RHOU: variants seen among roughly 807,000 people sequenced by gnomAD.
The protein encoded by RHOU is ras homolog family member U.
In RHOU, 8 loss-of-function variants were observed where a neutral mutation model predicts 12.6. That is an observed-to-expected ratio of 0.64 (90% CI 0.37 to 1.15). The LOEUF is 1.15. Ranked by LOEUF, RHOU falls within the 50% of genes most tolerant of loss-of-function variation. RHOU has a pLI of 0.01. For missense variants in RHOU, 258 were observed against 347.0 expected (o/e 0.74, Z 2.04); for synonymous variants, 161 against 147.4 (o/e 1.09, Z -0.67).
chr1:228,723,309 G>A, the RHOU span, among the ~76,000 whole-genome samples: 24 of 152,244 alleles, frequency 1.6e-4, no homozygotes, highest in Non-Finnish European at 3.2e-4. Flanking sequence ...GCCAGGAGAG[G>A]AGACCCCAAG....
chr1:228,721,173 G>A, the RHOU span, among the ~76,000 whole-genome samples: 4 of 152,156 alleles, frequency 2.6e-5, no homozygotes, highest in Admixed American at 6.5e-5. Context: ...GTGGTGGCAG[G>A]TGCCTGTAAT....
chr1:228,663,872 A>T, the RHOU span, among the ~76,000 whole-genome samples: 1 of 150,402 alleles, frequency 6.6e-6, no homozygotes, highest in Non-Finnish European at 1.5e-5. Flanking sequence ...ACCTCAAGTG[A>T]TCCACCCGCC....
At chr1:228,663,586 AT>A in the RHOU span, among the ~76,000 whole-genome samples, 1 of 103,036 alleles carries the variant, frequency 9.7e-6, no homozygotes, top group East Asian at 2.9e-4. Context: ...CTTTATTTTT[AT>A]TTTTCTTTTC....
the RHOU span, among the ~76,000 whole-genome samples, chr1:228,717,658 T>C: frequency 2.6e-5 from 4 of 152,222 alleles, no homozygotes; most frequent in African/African-American, 9.7e-5. Context: ...CTCTCTGACA[T>C]CTTGATGTAG....
At chr1:228,692,959 A>G in the RHOU span, among the ~76,000 whole-genome samples, 1 of 152,198 alleles carries the variant, frequency 6.6e-6, no homozygotes, top group South Asian at 2.1e-4. Context: ...AGATTTATAT[A>G]TTGCTTTGCA....
chr1:228,665,223 A>G, the RHOU span, among the ~76,000 whole-genome samples: 1 of 152,218 alleles, frequency 6.6e-6, no homozygotes, highest in African/African-American at 2.4e-5. Context: ...TAAGCACTTC[A>G]CATGCTTTAA....
the RHOU span, among the ~76,000 whole-genome samples, chr1:228,696,575 C>T: frequency 6.6e-6 from 1 of 151,696 alleles, no homozygotes; most frequent in Admixed American, 6.6e-5. Context: ...GAGACAGAGT[C>T]TTGCTCTGTC....
chr1:228,741,583 A>G (rs1308735447), intron 2 of RHOU, among the ~76,000 whole-genome samples: 1 of 152,092 alleles, frequency 6.6e-6, no homozygotes, highest in Non-Finnish European at 1.5e-5. Context: ...AAAGATCTTC[A>G]TGACTGAGCC....
chr1:228,685,110 C>T, the RHOU span, among the ~76,000 whole-genome samples: 1 of 152,188 alleles, frequency 6.6e-6, no homozygotes, highest in Non-Finnish European at 1.5e-5. Flanking sequence ...CATTTGTAAA[C>T]TGCCATGGTG....
At chr1:228,686,650 G>A in the RHOU span, among the ~76,000 whole-genome samples, 1 of 152,140 alleles carries the variant, frequency 6.6e-6, no homozygotes, top group South Asian at 2.1e-4. Context: ...GAAAAGCAAT[G>A]GCTTTTTAAA....
At chr1:228,730,936 T>C (rs12022916), upstream of RHOU, among the ~76,000 whole-genome samples, 7 of 152,334 alleles carry the variant, frequency 4.6e-5, no homozygotes, top group East Asian at 9.6e-4. Context: ...CAGATAAAAA[T>C]TTATTTATTT....
chr1:228,732,921 TAACA>T (rs1464805710), upstream of RHOU, among the ~76,000 whole-genome samples: 2 of 152,226 alleles, frequency 1.3e-5, no homozygotes, highest in Non-Finnish European at 2.9e-5. Context: ...TTTAAAAGGC[TAACA>T]AACACCATAA....
the RHOU span, among the ~76,000 whole-genome samples, chr1:228,712,465 G>A: frequency 6.6e-6 from 1 of 151,936 alleles, no homozygotes; most frequent in African/African-American, 2.4e-5. Context: ...ATACACCATG[G>A]AATACTATTC....
the RHOU span, chr1:228,650,642 G>T: frequency 1.1e-4 from 49 of 463,422 alleles, 1 homozygote; most frequent in South Asian, 7.7e-4. Context: ...TTCCAGGGTT[G>T]CATGGATGTA....
chr1:228,678,139 G>T, the RHOU span, among the ~76,000 whole-genome samples: 1 of 152,190 alleles, frequency 6.6e-6, no homozygotes, highest in Non-Finnish European at 1.5e-5. Flanking sequence ...TAGTAGAATA[G>T]CAGATGGAAC....
the RHOU span, among the ~76,000 whole-genome samples, chr1:228,724,312 T>C: frequency 6.6e-6 from 1 of 152,206 alleles, no homozygotes; most frequent in Non-Finnish European, 1.5e-5. Context: ...AAAAATTTCT[T>C]GTGTTCCCCC....
At chr1:228,721,257 G>C in the RHOU span, among the ~76,000 whole-genome samples, 1 of 152,146 alleles carries the variant, frequency 6.6e-6, no homozygotes, top group South Asian at 2.1e-4. Flanking sequence ...AGCCGAGATG[G>C]TGCCACCGCA....
the RHOU span, among the ~76,000 whole-genome samples, chr1:228,658,134 G>C: frequency 6.6e-6 from 1 of 151,906 alleles, no homozygotes; most frequent in Non-Finnish European, 1.5e-5. Context: ...ACAAAAATTA[G>C]GTGGGCATGG....
the RHOU span, among the ~76,000 whole-genome samples, chr1:228,708,668 T>C: frequency 6.6e-6 from 1 of 151,392 alleles, no homozygotes; most frequent in African/African-American, 2.4e-5. Flanking sequence ...GCACTAAACA[T>C]GGAAAGGAAC....
Sources: gnomAD v4.1 joint callset for allele counts (sites outside exome capture counted in the v4.1 genomes callset) on GRCh38, gnomAD v4.1.1 for gene constraint, MANE v1.5 for transcripts, NCBI Gene and HGNC (gene_info 2026-07-23, HGNC 2026-07-21) for gene names.